The following AGAP3 variants were observed in gnomAD, a reference collection of about 807,000 sequenced individuals.
AGAP3 encodes the protein ArfGAP with GTPase domain, ankyrin repeat and PH domain 3.
In AGAP3, 24 loss-of-function variants were observed where a neutral mutation model predicts 96.9. The observed-to-expected ratio is 0.25, with a 90% CI of 0.18 to 0.35. The LOEUF is 0.35. Ranked by LOEUF, AGAP3 falls within the 10% of genes least tolerant of loss-of-function variation. The pLI is 1.00. For synonymous variants in AGAP3, 563 were observed against 536.1 expected, an observed-to-expected ratio of 1.05 and a Z score of -0.69; for missense variants, 876 against 1,254.2, an observed-to-expected ratio of 0.70 and a Z score of 4.55.
intron 10 of AGAP3, among the ~76,000 whole-genome samples, chr7:151,132,929 G>T (rs1273991519): frequency 6.6e-6 from 1 of 152,210 alleles, no homozygotes; most frequent in Non-Finnish European, 1.5e-5. Context: ...GACAGTGTCA[G>T]TTTTCCCTGG....
intron 1 of AGAP3, chr7:151,115,233 T>G: frequency 3.0e-6 from 3 of 1,002,444 alleles, no homozygotes; most frequent in Non-Finnish European, 3.6e-6. Context: ...CAGCGCGGGC[T>G]TCCTGCGCGG....
intron 1 of AGAP3, among the ~76,000 whole-genome samples, chr7:151,091,455 C>CA (rs749246547): frequency 4.6e-5 from 7 of 152,214 alleles, no homozygotes; most frequent in Non-Finnish European, 8.8e-5. Flanking sequence ...CTGTGCGGCC[C>CA]AGTTGCATCT....
chr7:151,142,694 A>G lies in AGAP3; in HGVS notation c.2273+60A>G. 1.3e-6 allele frequency: 2 copies of G among 1,532,678 alleles called. No individual in the cohort carries two copies. Among genetic ancestry groups the G allele is most frequent in the Non-Finnish European group, 1.8e-6 (2 of 1,120,820 alleles). 94.9% of individuals were successfully genotyped at this position (1,532,678 alleles called of 1,614,324 possible). The stretch of plus-strand genomic sequence containing the variant: ...GGGGGAAGCGTTGGGGGCTCCCAGC[A>G]TGGGGAAGATTGGAGTGGCTGTGAT... On this transcript the variant is annotated intron_variant, in intron 16 of 17. Transcript: ENST00000397238. The surrounding 1 kb of genome is among the most constrained non-coding windows in gnomAD (Gnocchi z 7.5).
rs373824806 is a variant in AGAP3 at position 151,139,955 on chromosome 7, C to T, written c.1667-24C>T. On this transcript the variant is annotated intron_variant, in intron 12 of 17. Transcript: ENST00000397238. This position sits in a 1 kb window ranked among gnomAD's most constrained non-coding sequence, Gnocchi z 4.9. The stretch of plus-strand genomic sequence containing the variant: ...CTCCTCTGCCTCCCTTCTTCCCACA[C>T]TTCTCCAACTCTCCCCTCACCAGCC... 3.2e-5 allele frequency: 48 copies of T among 1,513,772 alleles called. No homozygotes were observed. The highest frequency in any genetic ancestry group is 3.8e-5 in the Non-Finnish European group (43 of 1,129,852). 93.8% of individuals were successfully genotyped at this position (1,513,772 alleles called of 1,614,324 possible). A position where few individuals can be genotyped will look rare whatever the true frequency, so the allele number is the denominator to read the frequency against.
At chr7:151,116,658 T>G in intron 1 of AGAP3, 135 bp from the exon 2 acceptor site, 1 of 909,374 alleles carries the variant, frequency 1.1e-6, no homozygotes, top group Non-Finnish European at 1.8e-6. Context: ...GGGGTGAGGG[T>G]TGGGGGTCCC....
In AGAP3 at chr7:151,086,709, CG is replaced by C; in HGVS notation, c.-30del. The C allele has an allele frequency of 1.8e-6, 1 of 564,926 alleles. No homozygotes were observed. The highest frequency in any genetic ancestry group is 2.2e-6 in the Non-Finnish European group (1 of 450,214). 35.0% of individuals were successfully genotyped at this position (564,926 alleles called of 1,614,324 possible). ...CGCCGCCGCCTCCGCCGCGCCGCCCCGGGCCCGCCTCGGGCCCCACGGCTCC... is the reference window on the plus strand; with the variant it reads ...CGCCGCCGCCTCCGCCGCGCCGCCCCGGCCCGCCTCGGGCCCCACGGCTCC... On this transcript the variant is annotated 5_prime_UTR_variant, in exon 1 of 18. Coordinates refer to ENST00000397238, the MANE Select transcript of AGAP3 (RefSeq NM_031946.7).
intron 3 of AGAP3, 72 bp downstream of exon 3, chr7:151,117,254 G>A (rs896241738): frequency 1.3e-6 from 2 of 1,570,320 alleles, no homozygotes; most frequent in Non-Finnish European, 1.7e-6. Flanking sequence ...GGGTCTGGGT[G>A]GGGGGTCTCC....
chr7:151,113,011 G>C (rs967873605), intron 1 of AGAP3, among the ~76,000 whole-genome samples: 1 of 152,182 alleles, frequency 6.6e-6, no homozygotes, highest in Non-Finnish European at 1.5e-5. Flanking sequence ...TGGGATTACA[G>C]GTGTGAGCCA....
intron 11 of AGAP3, among the ~76,000 whole-genome samples, chr7:151,137,152 C>T (rs923041570): frequency 2.0e-5 from 3 of 152,266 alleles, no homozygotes; most frequent in African/African-American, 7.2e-5. Context: ...GGTGCCGTCT[C>T]CCCGCAGGCT....
intron 8 of AGAP3, chr7:151,120,759 CCTT>C: frequency 1.7e-6 from 2 of 1,192,274 alleles, no homozygotes; most frequent in Non-Finnish European, 2.1e-6. Flanking sequence ...TGTCCTGTCT[CCTT>C]GTGAGCTCCT....
At chr7:151,127,034 G>C (rs1005944513) in intron 9 of AGAP3, among the ~76,000 whole-genome samples, 2 of 152,210 alleles carry the variant, frequency 1.3e-5, no homozygotes, top group African/African-American at 4.8e-5. Flanking sequence ...ACAGCTGCTG[G>C]GGCCGCTGGA....
chr7:151,108,486 G>A lies in AGAP3; in HGVS notation c.332-8307G>A, dbSNP rs913144170. ...CCTTCTCTCCCTCAGCTTTTCCCTG[G>A]GGAGGAGAGGACCAAAGTCACTGGG... On this transcript the variant is annotated intron_variant, in intron 1 of 17. Coordinates refer to ENST00000397238, the MANE Select transcript of AGAP3 (RefSeq NM_031946.7). The surrounding 1 kb of genome is among the most constrained non-coding windows in gnomAD (Gnocchi z 4.2). Among the ~76,000 whole-genome samples the A allele has an allele frequency of 7.9e-5, 12 of 152,116 alleles. No homozygotes were observed. Among genetic ancestry groups the A allele is most frequent in the African/African-American group, 2.9e-4 (12 of 41,432 alleles).
intron 12 of AGAP3, among the ~76,000 whole-genome samples, chr7:151,138,543 T>C (rs1451601244): frequency 1.3e-5 from 2 of 152,224 alleles, no homozygotes; most frequent in African/African-American, 4.8e-5. Flanking sequence ...AGCCTCCATG[T>C]GCAGCCCTTT....
At chr7:151,129,698 C>T (rs369080819) in intron 10 of AGAP3, among the ~76,000 whole-genome samples, 1 of 152,062 alleles carries the variant, frequency 6.6e-6, no homozygotes, top group African/African-American at 2.4e-5. Flanking sequence ...CCGACCCCCC[C>T]ACCTCCCCAC....
At chr7:151,124,333 G>T (rs1329970883) in intron 9 of AGAP3, among the ~76,000 whole-genome samples, 1 of 152,236 alleles carries the variant, frequency 6.6e-6, no homozygotes, top group Non-Finnish European at 1.5e-5. Context: ...GAAAAAAGTA[G>T]ACTACCTCCT....
Position 151,142,585 on chromosome 7 carries a change from T to C in AGAP3, c.2224T>C (p.Trp742Arg). 1 of 1,613,542 alleles carries C rather than the reference T, an allele frequency of 6.2e-7. No individual in the cohort carries two copies. Among genetic ancestry groups the C allele is most frequent in the Non-Finnish European group, 8.5e-7 (1 of 1,180,018 alleles). The part of the protein sequence containing the change: ...AMGNALANSV[W>R]EGALGGYSKP... ...GGGCAATGCCCTCGCCAACAGCGTCTGGGAGGGGGCCTTGGGTGGCTACTC... is the reference window on the plus strand; with the variant it reads ...GGGCAATGCCCTCGCCAACAGCGTCCGGGAGGGGGCCTTGGGTGGCTACTC... The change falls in exon 16 of 18, where the codon TGG (tryptophan) becomes CGG (arginine). Residue 742 changes from tryptophan (W) to arginine (R), a missense_variant. By Grantham distance (101) the Trp-to-Arg change is moderately radical. Around this residue, in one of 8 missense-constraint regions of AGAP3, gnomAD observed 213 missense variants for 253.8 expected, o/e 0.84. Coordinates refer to ENST00000397238, the MANE Select transcript of AGAP3 (RefSeq NM_031946.7). The surrounding 1 kb of genome is among the most constrained non-coding windows in gnomAD (Gnocchi z 7.5).
At chr7:151,116,896 G>GC (rs760300161) in intron 2 of AGAP3, 45 bp downstream of exon 2, 501 of 1,611,138 alleles carry the variant, frequency 3.1e-4, no homozygotes, top group Non-Finnish European at 4.1e-4. Context: ...GAGCTGGGGG[G>GC]GCGAGGCTGG....
chr7:151,091,156 G>A (rs955975789), intron 1 of AGAP3, among the ~76,000 whole-genome samples: 2 of 152,266 alleles, frequency 1.3e-5, no homozygotes, highest in African/African-American at 4.8e-5. Flanking sequence ...CTCCCTGGCC[G>A]GGCCCTGCAT....
At chr7:151,087,362 A>T (rs1366703490) in intron 1 of AGAP3, among the ~76,000 whole-genome samples, 1 of 151,624 alleles carries the variant, frequency 6.6e-6, no homozygotes, top group Non-Finnish European at 1.5e-5. Flanking sequence ...TGGCCGGGGA[A>T]GGTGGGCGCG....
Sources: gnomAD v4.1 joint callset for allele counts (sites outside exome capture counted in the v4.1 genomes callset) on GRCh38, gnomAD v4.1.1 for gene constraint, gnomAD v4.1.1 regional missense constraint, Gnocchi (gnomAD v3.1) non-coding constraint, MANE v1.5 for transcripts, NCBI Gene and HGNC (gene_info 2026-07-23, HGNC 2026-07-21) for gene names.